EPS15: variants seen among roughly 807,000 people sequenced by gnomAD.
EPS15 encodes the protein epidermal growth factor receptor substrate 15.
In EPS15, 72 loss-of-function variants were observed where a neutral mutation model predicts 113.8. That is an observed-to-expected ratio of 0.63 (90% CI 0.52 to 0.77). The LOEUF is 0.77. EPS15 is among the 30% of genes least tolerant of loss of function. The pLI is 0.00. For synonymous variants in EPS15, 344 were observed against 363.4 expected (o/e 0.95, Z 0.61); for missense variants, 1,048 against 1,045.8 (o/e 1.00, Z -0.03).
chr1:51,434,000 G>T (rs2148466265), intron 12 of EPS15, among the ~76,000 whole-genome samples: 1 of 152,304 alleles, frequency 6.6e-6, no homozygotes, highest in South Asian at 2.1e-4. Flanking sequence ...CACAGCAACA[G>T]CTCTCAAGAA....
intron 13 of EPS15, among the ~76,000 whole-genome samples, chr1:51,411,464 A>T (rs1649717183): frequency 1.3e-5 from 2 of 152,206 alleles, no homozygotes; most frequent in South Asian, 4.1e-4. Context: ...AGATACAGGG[A>T]CACTTGATTT....
intron 2 of EPS15, among the ~76,000 whole-genome samples, chr1:51,479,774 C>A (rs540389566): frequency 1.4e-4 from 21 of 152,092 alleles, no homozygotes; most frequent in Non-Finnish European, 2.5e-4. Context: ...TTTATTCAAA[C>A]AAAACAAAGA....
chr1:51,476,903 G>A (rs906974291), intron 2 of EPS15, among the ~76,000 whole-genome samples: 4 of 152,176 alleles, frequency 2.6e-5, no homozygotes, highest in Non-Finnish European at 5.9e-5. Flanking sequence ...AGGGATATTG[G>A]TCTAAAATTC....
intron 17 of EPS15, 139 bp from the exon 18 acceptor site, chr1:51,402,664 C>T: frequency 2.0e-6 from 1 of 488,396 alleles, no homozygotes; most frequent in Non-Finnish European, 3.7e-6. Flanking sequence ...GTGGCTCACA[C>T]CTGTAATCCC....
intron 15 of EPS15, among the ~76,000 whole-genome samples, 193 bp downstream of exon 15, chr1:51,407,942 T>A (rs555406048): frequency 9.2e-5 from 14 of 152,202 alleles, no homozygotes; most frequent in African/African-American, 3.4e-4. Flanking sequence ...CCAATGATAA[T>A]CATCAGATAG....
intron 1 of EPS15, among the ~76,000 whole-genome samples, chr1:51,496,338 C>G (rs955598955): frequency 1.1e-4 from 16 of 152,140 alleles, no homozygotes; most frequent in Non-Finnish European, 1.9e-4. Flanking sequence ...TCCCCATTAT[C>G]GTACTAAGCT....
At chr1:51,451,967 C>T (rs899554228) in intron 8 of EPS15, among the ~76,000 whole-genome samples, 1 of 151,908 alleles carries the variant, frequency 6.6e-6, no homozygotes, top group African/African-American at 2.4e-5. Context: ...CTACAACCTC[C>T]GTCTCCTGGG....
chr1:51,374,219 T>C lies in EPS15; in HGVS notation c.2120-8190A>G, dbSNP rs146827774. 3.2e-3 allele frequency among the ~76,000 whole-genome samples: 487 copies of C among 152,310 alleles called. 3 individuals are homozygous for C. The highest frequency in any genetic ancestry group is 0.03 in the South Asian group (146 of 4,816). ...TAATTAACAGTTGGGAAGTTCTGCA[T>C]TTTCTGTCAGGAGTTAGTAAAATAT... On this transcript the variant is annotated intron_variant, in intron 21 of 24. Coordinates refer to ENST00000371733, the MANE Select transcript of EPS15 (RefSeq NM_001981.3).
At position 51,430,093 on chromosome 1, in the gene EPS15, C is replaced by T. The variant is rs1651583063; in HGVS notation, c.1041-8235G>A. Among the ~76,000 whole-genome samples the T allele has an allele frequency of 2.0e-5, 3 of 152,110 alleles. No homozygotes were observed. In the South Asian group the frequency reaches 6.2e-4, roughly 32 times the overall value. On this transcript the variant is annotated intron_variant, in intron 12 of 24. Transcript: ENST00000371733. ...TGGAGGAAGAGAGGAAGCAGAGGCT[C>T]TTATCGCTCAGAAAGCTGATGACAA... is the stretch of plus-strand genomic sequence containing the variant.
In EPS15 at chr1:51,461,107, C is replaced by G. The variant is rs779396610; in HGVS notation, c.545G>C (p.Arg182Thr). The change falls in exon 8 of 25, where the codon AGA (arginine) becomes ACA (threonine). Residue 182 changes from arginine (R) to threonine (T), a missense_variant. Arg to Thr is a moderately conservative substitution (Grantham distance 71). Transcript: ENST00000371733. The part of the protein sequence containing the change: ...SDIDHDGMLD[R>T]DEFAVAMFLV... Reference sequence around the variant, plus strand: ...ATTACTTACAACTGCAAACTCATCTCTGTCAAGCATTCCATCATGGTCAAT... The same window carrying G: ...ATTACTTACAACTGCAAACTCATCTGTGTCAAGCATTCCATCATGGTCAAT... 6.2e-7 allele frequency: 1 copy of G among 1,601,926 alleles called. No homozygotes were observed. Among genetic ancestry groups the G allele is most frequent in the African/African-American group, 1.3e-5 (1 of 74,676 alleles).
Position 51,508,290 on chromosome 1 carries a change from AAGAGAG to A in EPS15, c.33+10903_33+10908del, listed in dbSNP as rs375226658. ...AGAGAGAGAAAGAGAGAAAGAGAGA[AAGAGAG>A]AGAGAGAAAGAGAGAAAGAGAGAAA... On this transcript the variant is annotated intron_variant, in intron 1 of 24. Coordinates refer to ENST00000371733, the MANE Select transcript of EPS15 (RefSeq NM_001981.3). 1.5e-4 allele frequency among the ~76,000 whole-genome samples: 20 copies of A among 134,176 alleles called. No individual in the cohort carries two copies. In the East Asian group the frequency reaches 2.9e-3, roughly 19 times the overall value. 88.0% of individuals were successfully genotyped at this position (134,176 alleles called of 152,430 possible).
intron 11 of EPS15, among the ~76,000 whole-genome samples, chr1:51,440,645 C>T (rs192918609): frequency 1.2e-3 from 177 of 151,780 alleles, no homozygotes; most frequent in South Asian, 1.5e-3. Context: ...TTAAATTCTC[C>T]GAAAACTGTT....
At chr1:51,410,392 CAAA>C (rs575050577) in intron 13 of EPS15, among the ~76,000 whole-genome samples, 2 of 97,764 alleles carry the variant, frequency 2.0e-5, no homozygotes, top group Non-Finnish European at 2.2e-5. Context: ...ACACTGTCTC[CAAA>C]AAAAAAAAAA....
chr1:51,403,211 C>A (rs567172720), intron 17 of EPS15, among the ~76,000 whole-genome samples: 2 of 152,068 alleles, frequency 1.3e-5, no homozygotes, highest in African/African-American at 4.8e-5. Flanking sequence ...CTATTAAGAA[C>A]ATTTATTTAT....
At position 51,463,730 on chromosome 1, in the gene EPS15, A is replaced by C. The variant is rs1557494460; in HGVS notation, c.444T>G (p.Gly148=). 6.2e-7 allele frequency: 1 copy of C among 1,602,766 alleles called. No individual in the cohort carries two copies. The highest frequency in any genetic ancestry group is 1.7e-5 in the Admixed American group (1 of 59,972). Reference sequence around the variant, plus strand: ...TGAGCAACACTGGTTTCACTTTATCACCAGACAGAAATCCATTCACTGGGC... The same window carrying C: ...TGAGCAACACTGGTTTCACTTTATCCCCAGACAGAAATCCATTCACTGGGC... ...SLSPVNGFLS[G]DKVKPVLLNS... The change falls in exon 7 of 25, where the codon GGT becomes GGG. Residue 148 remains glycine (G), a synonymous_variant. Transcript: ENST00000371733.
intron 21 of EPS15, among the ~76,000 whole-genome samples, chr1:51,367,759 G>A (rs1646539706): frequency 6.6e-6 from 1 of 152,216 alleles, no homozygotes; most frequent in Non-Finnish European, 1.5e-5. Flanking sequence ...CAGGAAGATG[G>A]AAAGAAACAA....
intron 21 of EPS15, among the ~76,000 whole-genome samples, chr1:51,377,052 A>C (rs1242858768): frequency 1.3e-5 from 2 of 152,108 alleles, no homozygotes; most frequent in Non-Finnish European, 2.9e-5. Context: ...GGATCGCCTG[A>C]GGTCAGCAGT....
At chr1:51,419,292 G>C (rs1319938675) in intron 13 of EPS15, among the ~76,000 whole-genome samples, 4 of 151,888 alleles carry the variant, frequency 2.6e-5, no homozygotes, top group Non-Finnish European at 5.9e-5. Flanking sequence ...TAAACAGAAA[G>C]TTTTCAAGGC....
At chr1:51,445,878 G>A (rs765789970) in intron 10 of EPS15, among the ~76,000 whole-genome samples, 1 of 152,150 alleles carries the variant, frequency 6.6e-6, no homozygotes, top group Non-Finnish European at 1.5e-5. Context: ...AAATTACTAT[G>A]AGAATTAAAG....
Sources: allele counts gnomAD v4.1 joint callset (sites outside exome capture counted in the v4.1 genomes callset), GRCh38; gene constraint gnomAD v4.1.1; transcripts MANE v1.5; gene names NCBI Gene and HGNC (gene_info 2026-07-23, HGNC 2026-07-21).